Variants in EEF2K observed in about 807,000 individuals in gnomAD.
The protein encoded by EEF2K is eukaryotic elongation factor 2 kinase.
In EEF2K, 70 loss-of-function variants were observed where a neutral mutation model predicts 93.8. The ratio of observed to expected loss-of-function variants is 0.75; its 90% CI spans 0.62 to 0.91. The LOEUF is 0.91. EEF2K is among the 40% of genes least tolerant of loss of function. The pLI, the probability that EEF2K is intolerant of heterozygous loss-of-function variation, is 0.00. For synonymous variants in EEF2K, 376 were observed against 380.8 expected (o/e 0.99, Z 0.15); for missense variants, 935 against 972.9 (o/e 0.96, Z 0.52).
intron 12 of EEF2K, 104 bp from the exon 13 acceptor site, chr16:22,264,714 A>T: frequency 7.6e-7 from 1 of 1,314,070 alleles, no homozygotes; most frequent in Non-Finnish European, 1.1e-6. Flanking sequence ...GTCACCTAGG[A>T]GGGCCAGGCT....
chr16:22,220,534 C>T lies in EEF2K; in HGVS notation c.-76-5120C>T, dbSNP rs372757186. Among the ~76,000 whole-genome samples the T allele has an allele frequency of 1.6e-4, 25 of 152,212 alleles. No individual in the cohort carries two copies. In the East Asian group the frequency reaches 3.1e-3, roughly 19 times the overall value. On this transcript the variant is annotated intron_variant, in intron 1 of 17. Transcript: ENST00000263026. ...CTCAATTCACTGCAGCCTCTGCCTCCCCAGATTCAAGTGATCCTCCCACTT... is the reference window on the plus strand; with the variant it reads ...CTCAATTCACTGCAGCCTCTGCCTCTCCAGATTCAAGTGATCCTCCCACTT...
At chr16:22,227,482 C>A (rs917892082) in intron 2 of EEF2K, among the ~76,000 whole-genome samples, 1 of 152,044 alleles carries the variant, frequency 6.6e-6, no homozygotes, top group Non-Finnish European at 1.5e-5. Context: ...CTCAGGTTCC[C>A]AAAGTGCTGG....
chr16:22,216,615 T>C (rs1009865578), intron 1 of EEF2K, among the ~76,000 whole-genome samples: 12 of 152,154 alleles, frequency 7.9e-5, no homozygotes, highest in Admixed American at 7.2e-4. Context: ...ACCAGATGGC[T>C]GGGCACTGTG....
At chr16:22,259,119 T>G (rs2047438105) in intron 10 of EEF2K, among the ~76,000 whole-genome samples, 1 of 152,196 alleles carries the variant, frequency 6.6e-6, no homozygotes, top group African/African-American at 2.4e-5. Flanking sequence ...ATCTGAGGGT[T>G]GTTCAATGTT....
At chr16:22,229,667 C>T (rs1466404260) in intron 2 of EEF2K, among the ~76,000 whole-genome samples, 3 of 152,160 alleles carry the variant, frequency 2.0e-5, no homozygotes, top group African/African-American at 7.2e-5. Flanking sequence ...TGCCACTGCA[C>T]TCCAGCCTGG....
At chr16:22,264,289 CAAAAAAAAAAAAAAAA>C (rs59993193) in intron 12 of EEF2K, among the ~76,000 whole-genome samples, 16 of 39,900 alleles carry the variant, frequency 4.0e-4, no homozygotes, top group Non-Finnish European at 9.5e-5. Flanking sequence ...GAGACTGTCT[CAAAAAAAAAAAAAAAA>C]AAAAAAAAAA....
intron 2 of EEF2K, among the ~76,000 whole-genome samples, chr16:22,227,275 A>G (rs545812345): frequency 5.5e-4 from 83 of 152,266 alleles, no homozygotes; most frequent in African/African-American, 1.9e-3. Context: ...CCAGGCTGGA[A>G]TACAGTGGTG....
chr16:22,272,424 C>T (rs1015834052), intron 15 of EEF2K, among the ~76,000 whole-genome samples: 6 of 152,242 alleles, frequency 3.9e-5, no homozygotes, highest in South Asian at 4.2e-4. Flanking sequence ...TGAAAAGAGT[C>T]GCAAAGGACC....
intron 15 of EEF2K, among the ~76,000 whole-genome samples, chr16:22,272,825 T>G (rs2047596852): frequency 6.6e-6 from 1 of 151,970 alleles, no homozygotes; most frequent in Admixed American, 6.6e-5. Context: ...CCACGCCTGG[T>G]TAATTTTTGT....
At chr16:22,260,407 T>C in intron 10 of EEF2K, 55 bp from the exon 11 acceptor site, 1 of 1,608,644 alleles carries the variant, frequency 6.2e-7, no homozygotes, top group Non-Finnish European at 8.5e-7. Flanking sequence ...TGGGTTGGTC[T>C]TATGCATGTT....
intron 1 of EEF2K, among the ~76,000 whole-genome samples, chr16:22,219,808 A>G (rs1352879194): frequency 1.3e-5 from 2 of 152,166 alleles, no homozygotes; most frequent in Non-Finnish European, 2.9e-5. Context: ...GTCCCATGGT[A>G]TAAGAGACCC....
At chr16:22,268,638 G>T (rs1203684574) in intron 15 of EEF2K, among the ~76,000 whole-genome samples, 2 of 140,540 alleles carry the variant, frequency 1.4e-5, no homozygotes, top group Non-Finnish European at 3.0e-5. Context: ...GACCAAAGAA[G>T]TTTTTTTTTT....
chr16:22,285,783 A>G lies in EEF2K; in HGVS notation c.*1787A>G, dbSNP rs145192626. The stretch of plus-strand genomic sequence containing the variant: ...ACATACAAACCATTCTTAACTATTC[A>G]TTAAAATGGGTCCTTCAACACCTTA... On this transcript the variant is annotated 3_prime_UTR_variant, in exon 18 of 18. Transcript: ENST00000263026. The G allele has an allele frequency of 6.6e-6, 1 of 152,664 alleles. No individual in the cohort carries two copies. Among genetic ancestry groups the G allele is most frequent in the African/African-American group, 2.4e-5 (1 of 41,584 alleles). 9.5% of individuals were successfully genotyped at this position (152,664 alleles called of 1,614,324 possible).
intron 3 of EEF2K, among the ~76,000 whole-genome samples, chr16:22,246,515 T>TTA (rs2047293098): frequency 1.4e-5 from 1 of 70,490 alleles, no homozygotes; most frequent in Non-Finnish European, 2.7e-5. Flanking sequence ...GACTCAGTCT[T>TTA]AAAAAAAAAA....
At chr16:22,252,905 A>G (rs1035291118) in intron 6 of EEF2K, among the ~76,000 whole-genome samples, 2 of 152,206 alleles carry the variant, frequency 1.3e-5, no homozygotes, top group Admixed American at 6.5e-5. Flanking sequence ...TCATGAGAAC[A>G]GTATGGGGGA....
intron 11 of EEF2K, among the ~76,000 whole-genome samples, chr16:22,262,008 C>T (rs2047469766): frequency 6.7e-6 from 1 of 149,840 alleles, no homozygotes; most frequent in East Asian, 2.0e-4. Flanking sequence ...CTGCCACACA[C>T]ACACACACAC....
chr16:22,226,063 G>T, intron 2 of EEF2K, 88 bp downstream of exon 2: 1 of 1,553,990 alleles, frequency 6.4e-7, no homozygotes, highest in Non-Finnish European at 8.7e-7. Flanking sequence ...GGACTTCTTC[G>T]TATTTCCAAA....
chr16:22,229,519 A>G (rs942367418), intron 2 of EEF2K, among the ~76,000 whole-genome samples: 16 of 152,274 alleles, frequency 1.1e-4, no homozygotes, highest in East Asian at 5.8e-4. Flanking sequence ...CCTGGCCAAC[A>G]TGGCGAAACC....
At chr16:22,270,918 A>G (rs989899666) in intron 15 of EEF2K, among the ~76,000 whole-genome samples, 1 of 150,300 alleles carries the variant, frequency 6.7e-6, no homozygotes, top group African/African-American at 2.5e-5. Context: ...CTCTCTATAT[A>G]TATGTGTGTA....
Sources: allele counts gnomAD v4.1 joint callset (sites outside exome capture counted in the v4.1 genomes callset), GRCh38; gene constraint gnomAD v4.1.1; transcripts MANE v1.5; gene names NCBI Gene and HGNC (gene_info 2026-07-23, HGNC 2026-07-21).